LRP2: variants seen among roughly 807,000 people sequenced by gnomAD.
The protein encoded by LRP2 is LDL receptor related protein 2, also known as low-density lipoprotein receptor-related protein 2.
Under a neutral mutation model 531.0 loss-of-function variants are expected in LRP2, and 172 were observed. That is an observed-to-expected ratio of 0.32 (90% confidence interval 0.29 to 0.37). The LOEUF is 0.37. Ranked by LOEUF, LRP2 falls within the 10% of genes least tolerant of loss-of-function variation. LRP2 has a pLI of 1.00. For synonymous variants in LRP2, 1,992 were observed against 2,027.6 expected, an observed-to-expected ratio of 0.98 and a Z score of 0.47; for missense variants, 5,167 against 5,868.3, an observed-to-expected ratio of 0.88 and a Z score of 3.90.
Position 169,277,949 on chromosome 2 carries a change from T to G in LRP2, c.1568A>C (p.Tyr523Ser). 6.2e-7 allele frequency: 1 copy of G among 1,612,332 alleles called. No individual in the cohort carries two copies. The highest frequency in any genetic ancestry group is 8.5e-7 in the Non-Finnish European group (1 of 1,178,576). ...GCTCTCCCAATCTGAGAAAAATAAA[T>G]AACTACAAAAGAAAAACAGAAGATG... ...RGIAVDPTVGYLFFSDWESLS... is the reference protein window; with the variant it reads ...RGIAVDPTVGSLFFSDWESLS... The change falls in exon 13 of 79, where the codon TAT becomes TCT. Residue 523 changes from tyrosine to serine, a missense_variant and splice_region_variant. Around this residue, in one of 6 missense-constraint regions of LRP2, gnomAD observed 2,811 missense variants for 3,058.0 expected, o/e 0.92. Coordinates refer to ENST00000649046, the MANE Select transcript of LRP2 (RefSeq NM_004525.3).
chr2:169,335,388 T>A (rs1443596491), intron 1 of LRP2, among the ~76,000 whole-genome samples: 1 of 152,238 alleles, frequency 6.6e-6, no homozygotes, highest in Non-Finnish European at 1.5e-5. Context: ...ACATTAAACT[T>A]GGACATCGTT....
intron 37 of LRP2, among the ~76,000 whole-genome samples, chr2:169,210,611 T>C (rs1180224298): frequency 6.6e-6 from 1 of 152,160 alleles, no homozygotes; most frequent in Non-Finnish European, 1.5e-5. Flanking sequence ...TCTGCCTCTT[T>C]AAAACATCAA....
rs780210235 is a variant in LRP2 at position 169,185,667 on chromosome 2, G to T, written c.9681C>A (p.Asp3227Glu). Reference sequence around the variant, plus strand: ...GGTCAAAATCTAATGCCACAACATTGTCCAGTCCTTCCAAGATGAGGGAGT... The same window carrying T: ...GGTCAAAATCTAATGCCACAACATTTTCCAGTCCTTCCAAGATGAGGGAGT... ...YFYSLILEGL[D>E]NVVALDFDRV... Residue 3227 changes from aspartate to glutamate, a missense_variant, in exon 50 of 79, where the codon GAC becomes GAA. Physicochemically the swap from Asp to Glu is conservative, Grantham distance 45 (BLOSUM62 2). This residue lies in a region of LRP2 where 1,129 missense variants were observed against 1,362.7 expected (regional missense o/e 0.83). Transcript: ENST00000649046. 3 of 1,613,968 alleles carry T rather than the reference G, an allele frequency of 1.9e-6. No individual in the cohort carries two copies. In the South Asian group the frequency reaches 3.3e-5, roughly 18 times the overall value.
intron 41 of LRP2, 25 bp downstream of exon 41, chr2:169,205,454 C>G (rs759181887): frequency 6.2e-7 from 1 of 1,613,736 alleles, no homozygotes; most frequent in East Asian, 2.2e-5. Flanking sequence ...TCTTAACACC[C>G]ACATGAGTAA....
Position 169,173,155 on chromosome 2 carries a change from T to C in LRP2, c.11084A>G (p.Lys3695Arg). Residue 3695 changes from lysine to arginine, a missense_variant, in exon 57 of 79, where the codon AAG becomes AGG. Physicochemically the swap from Lys to Arg is conservative, Grantham distance 26 (BLOSUM62 2). Around this residue, in one of 6 missense-constraint regions of LRP2, gnomAD observed 311 missense variants for 309.4 expected, o/e 1.01. Transcript: ENST00000649046. ...ATCTACACCATTGCACACGGCCCAC[T>C]TTGGGATGCAGCGGTAATTTGTTTT... ...SCKTNYRCIP[K>R]WAVCNGVDDC... 6.2e-7 allele frequency: 1 copy of C among 1,614,148 alleles called. No individual in the cohort carries two copies. The highest frequency in any genetic ancestry group is 8.5e-7 in the Non-Finnish European group (1 of 1,180,024).
chr2:169,350,723 C>CAAAAAA (rs35301449), intron 1 of LRP2, among the ~76,000 whole-genome samples: 10 of 68,220 alleles, frequency 1.5e-4, no homozygotes, highest in Admixed American at 2.3e-4. Context: ...GACTCCATCG[C>CAAAAAA]AAAAAAAAAA....
intron 16 of LRP2, among the ~76,000 whole-genome samples, chr2:169,259,636 C>T (rs1056715309): frequency 1.3e-4 from 20 of 151,996 alleles, no homozygotes; most frequent in African/African-American, 4.6e-4. Context: ...GAGGTATCAT[C>T]GCCCAACCCT....
intron 40 of LRP2, 53 bp from the exon 41 acceptor site, chr2:169,205,690 TTA>T: frequency 6.7e-6 from 10 of 1,493,454 alleles, no homozygotes; most frequent in South Asian, 4.7e-5. Flanking sequence ...TCATAGTCCT[TTA>T]AAAAAAAAAA....
At chr2:169,326,290 C>T (rs1685056920) in intron 1 of LRP2, among the ~76,000 whole-genome samples, 1 of 150,640 alleles carries the variant, frequency 6.6e-6, no homozygotes. Context: ...GTACTGCTGC[C>T]ATCTCGGCTC....
At chr2:169,227,627 T>C (rs1042795565) in intron 31 of LRP2, among the ~76,000 whole-genome samples, 4 of 152,202 alleles carry the variant, frequency 2.6e-5, no homozygotes, top group Non-Finnish European at 4.4e-5. Context: ...AATGATGTTT[T>C]CATTATTTTT....
In LRP2 at chr2:169,137,469, C is replaced by A. The variant is rs886055078; in HGVS notation, c.13543G>T (p.Gly4515Trp). ...AMSEDFVMEMGKQPIIFENPM... is the reference protein window; with the variant it reads ...AMSEDFVMEMWKQPIIFENPM... Reference sequence around the variant, plus strand: ...TTTTCAAATATTATGGGCTGCTTCCCCATTTCCATGACAAAGTCTTCACTC... The same window carrying A: ...TTTTCAAATATTATGGGCTGCTTCCACATTTCCATGACAAAGTCTTCACTC... Residue 4515 changes from glycine (G) to tryptophan (W), a missense_variant, in exon 76 of 79, where the codon GGG (glycine) becomes TGG (tryptophan). Gly to Trp is a radical substitution (Grantham distance 184). Transcript: ENST00000649046. 1.9e-6 allele frequency: 3 copies of A among 1,612,852 alleles called. No individual in the cohort carries two copies. The highest frequency in any genetic ancestry group is 2.5e-6 in the Non-Finnish European group (3 of 1,179,048).
chr2:169,184,267 C>T (rs926535033), intron 50 of LRP2, among the ~76,000 whole-genome samples: 19 of 152,162 alleles, frequency 1.2e-4, no homozygotes, highest in African/African-American at 1.7e-4. Context: ...ATGTAGGATA[C>T]GTAAAACAGG....
intron 63 of LRP2, among the ~76,000 whole-genome samples, chr2:169,158,061 TACACACAC>T (rs61381788): frequency 4.5e-4 from 63 of 141,480 alleles, no homozygotes; most frequent in South Asian, 1.6e-3. Context: ...ATTGATTATA[TACACACAC>T]ACACACACAC....
chr2:169,260,724 C>T (rs1162849443), intron 16 of LRP2, among the ~76,000 whole-genome samples: 2 of 152,040 alleles, frequency 1.3e-5, no homozygotes, highest in East Asian at 3.9e-4. Flanking sequence ...AAAGTCTCCC[C>T]ATAATTATTT....
At chr2:169,147,062 A>C (rs1685940979) in intron 68 of LRP2, 103 bp from the exon 69 acceptor site, 16 of 919,842 alleles carry the variant, frequency 1.7e-5, no homozygotes, top group Non-Finnish European at 2.6e-5. Context: ...TGTTTATCTC[A>C]GGGACCTGGG....
chr2:169,324,367 C>T (rs1684987506), intron 1 of LRP2, among the ~76,000 whole-genome samples: 1 of 151,754 alleles, frequency 6.6e-6, no homozygotes, highest in African/African-American at 2.4e-5. Context: ...GATTTTTTTC[C>T]CCCAAAGCTG....
At chr2:169,165,274 A>C (rs1192327579) in intron 62 of LRP2, among the ~76,000 whole-genome samples, 1 of 152,198 alleles carries the variant, frequency 6.6e-6, no homozygotes, top group Non-Finnish European at 1.5e-5. Flanking sequence ...TTTCTAGGCA[A>C]ATTAAATTGC....
At chr2:169,312,554 G>A (rs915405586) in intron 3 of LRP2, among the ~76,000 whole-genome samples, 1 of 152,212 alleles carries the variant, frequency 6.6e-6, no homozygotes. Context: ...GGCTTGTGGA[G>A]TTTCTGCCGA....
At chr2:169,185,404 T>C in intron 50 of LRP2, 99 bp downstream of exon 50, 1 of 1,230,458 alleles carries the variant, frequency 8.1e-7, no homozygotes, top group Non-Finnish European at 1.2e-6. Flanking sequence ...TGTATCTGCA[T>C]ATTAACCCAA....
Sources: allele counts gnomAD v4.1 joint callset (sites outside exome capture counted in the v4.1 genomes callset), GRCh38; gene constraint gnomAD v4.1.1; regional missense constraint gnomAD v4.1.1; transcripts MANE v1.5; gene names NCBI Gene and HGNC (gene_info 2026-07-23, HGNC 2026-07-21).